Variants in PRKD1 observed in about 807,000 individuals in gnomAD.
PRKD1 encodes the protein serine/threonine-protein kinase D1.
A neutral mutation model predicts 95.9 loss-of-function variants in PRKD1; 63 were observed. The ratio of observed to expected loss-of-function variants is 0.66; its 90% CI spans 0.54 to 0.81. The LOEUF (loss-of-function observed/expected upper bound fraction) is 0.81. Among genes scored for constraint, PRKD1 ranks in the 30% least tolerant of loss-of-function variants. The pLI is 0.00. For synonymous variants in PRKD1, 425 were observed against 423.1 expected (o/e 1.00, Z -0.05); for missense variants, 1,048 against 1,165.3 (o/e 0.90, Z 1.47).
chr14:29,905,763 G>A (rs1206897416), intron 1 of PRKD1, among the ~76,000 whole-genome samples: 1 of 152,186 alleles, frequency 6.6e-6, no homozygotes, highest in Admixed American at 6.5e-5. Context: ...GCACGCAACT[G>A]TTTGCTTAAA....
intron 1 of PRKD1, among the ~76,000 whole-genome samples, chr14:29,801,005 A>G (rs1399294614): frequency 6.6e-6 from 1 of 152,126 alleles, no homozygotes; most frequent in African/African-American, 2.4e-5. Context: ...TATTTTGTCT[A>G]TTTAACTGTC....
intron 1 of PRKD1, among the ~76,000 whole-genome samples, chr14:29,763,392 A>AAG (rs1888100441): frequency 9.1e-6 from 1 of 110,184 alleles, no homozygotes; most frequent in Non-Finnish European, 1.9e-5. Flanking sequence ...GGAAGGAGGG[A>AAG]GAGGGGAGGG....
intron 2 of PRKD1, among the ~76,000 whole-genome samples, chr14:29,686,067 T>G (rs893952383): frequency 3.3e-5 from 5 of 152,228 alleles, no homozygotes; most frequent in Admixed American, 2.6e-4. Flanking sequence ...TTTGCACAAT[T>G]CTTATAAAAG....
At chr14:29,806,552 C>T (rs1268510354) in intron 1 of PRKD1, among the ~76,000 whole-genome samples, 2 of 152,048 alleles carry the variant, frequency 1.3e-5, no homozygotes, top group Non-Finnish European at 2.9e-5. Context: ...TCAGGCAGAA[C>T]AATAAATAAA....
chr14:29,721,492 G>A (rs975289862), intron 2 of PRKD1, among the ~76,000 whole-genome samples: 6 of 152,066 alleles, frequency 3.9e-5, no homozygotes, highest in Admixed American at 3.9e-4. Context: ...AATTATTAGA[G>A]ATCAAGCCAA....
chr14:29,641,388 C>T (rs986081832), intron 4 of PRKD1, among the ~76,000 whole-genome samples: 3 of 152,122 alleles, frequency 2.0e-5, no homozygotes, highest in African/African-American at 7.2e-5. Context: ...CAATATGGCC[C>T]ATATTTCTAA....
chr14:29,624,362 A>G (rs1465001897), intron 12 of PRKD1, 104 bp from the exon 13 acceptor site: 9 of 663,636 alleles, frequency 1.4e-5, no homozygotes, highest in Non-Finnish European at 2.2e-5. Flanking sequence ...AACATATTTC[A>G]CTGAATAAAT....
intron 4 of PRKD1, among the ~76,000 whole-genome samples, chr14:29,653,417 C>A (rs1189330033): frequency 6.6e-6 from 1 of 151,984 alleles, no homozygotes; most frequent in Non-Finnish European, 1.5e-5. Flanking sequence ...CTTAAAGTCA[C>A]TTAAAAACAT....
At chr14:29,722,702 G>C (rs1212264483) in intron 2 of PRKD1, among the ~76,000 whole-genome samples, 4 of 152,104 alleles carry the variant, frequency 2.6e-5, no homozygotes, top group Non-Finnish European at 5.9e-5. Flanking sequence ...CATTTAGTCA[G>C]GTAGGCTGGG....
intron 1 of PRKD1, among the ~76,000 whole-genome samples, chr14:29,738,770 C>T (rs1886847939): frequency 6.7e-6 from 1 of 150,206 alleles, no homozygotes; most frequent in African/African-American, 2.5e-5. Flanking sequence ...TCCTTCCTTC[C>T]TTCCTTCCTT....
intron 1 of PRKD1, among the ~76,000 whole-genome samples, chr14:29,845,658 A>C (rs1484920185): frequency 1.3e-5 from 2 of 152,208 alleles, no homozygotes; most frequent in Non-Finnish European, 2.9e-5. Context: ...CAACTAAAAA[A>C]AATCACTACC....
At chr14:29,925,841 T>C (rs1326118735) in intron 1 of PRKD1, among the ~76,000 whole-genome samples, 1 of 152,222 alleles carries the variant, frequency 6.6e-6, no homozygotes, top group East Asian at 1.9e-4. Context: ...GCTGTTTCAT[T>C]AACTGGTCTG....
intron 1 of PRKD1, among the ~76,000 whole-genome samples, chr14:29,840,478 C>A (rs923607618): frequency 3.3e-5 from 5 of 152,312 alleles, no homozygotes; most frequent in Non-Finnish European, 7.3e-5. Flanking sequence ...CAAACTGTTT[C>A]AACCTCTGCC....
chr14:29,746,196 T>C (rs935281720), intron 1 of PRKD1, among the ~76,000 whole-genome samples: 1 of 152,112 alleles, frequency 6.6e-6, no homozygotes, highest in Non-Finnish European at 1.5e-5. Context: ...ATTTCCTTCC[T>C]TGCCTTATCA....
Position 29,636,221 on chromosome 14 carries a change from A to G in PRKD1, c.1190+69T>C, listed in dbSNP as rs1298766765. On this transcript the variant is annotated intron_variant, in intron 7 of 17. Coordinates refer to ENST00000331968, the MANE Select transcript of PRKD1 (RefSeq NM_002742.3). ...TTCTACTATAATCTATTAAAATATCAAAGAGGTTTAAAGAGAAAATACTGC... is the reference window on the plus strand; with the variant it reads ...TTCTACTATAATCTATTAAAATATCGAAGAGGTTTAAAGAGAAAATACTGC... 4 of 1,536,214 alleles carry G rather than the reference A, an allele frequency of 2.6e-6. No individual in the cohort carries two copies. In the Admixed American group the frequency reaches 5.0e-5, roughly 19 times the overall value.
At chr14:29,656,272 G>T (rs1881830470) in intron 4 of PRKD1, among the ~76,000 whole-genome samples, 1 of 152,140 alleles carries the variant, frequency 6.6e-6, no homozygotes, top group Non-Finnish European at 1.5e-5. Flanking sequence ...GGCTTATTGG[G>T]ACTGTGAAAA....
At chr14:29,846,866 T>C (rs947419668) in intron 1 of PRKD1, among the ~76,000 whole-genome samples, 6 of 152,132 alleles carry the variant, frequency 3.9e-5, no homozygotes, top group African/African-American at 1.2e-4. Context: ...GAACTGGATA[T>C]GGGATAAATG....
intron 4 of PRKD1, among the ~76,000 whole-genome samples, chr14:29,659,038 G>T (rs969621070): frequency 6.6e-6 from 1 of 152,152 alleles, no homozygotes; most frequent in Admixed American, 6.5e-5. Flanking sequence ...ATGGAATAAA[G>T]TAAACACCAT....
At chr14:29,805,865 A>C (rs1414660984) in intron 1 of PRKD1, among the ~76,000 whole-genome samples, 2 of 152,226 alleles carry the variant, frequency 1.3e-5, no homozygotes, top group Non-Finnish European at 1.5e-5. Context: ...GTAAGTTGCC[A>C]ATGAAGGGGA....
Sources: gnomAD v4.1 joint callset for allele counts (sites outside exome capture counted in the v4.1 genomes callset) on GRCh38, gnomAD v4.1.1 for gene constraint, MANE v1.5 for transcripts, NCBI Gene and HGNC (gene_info 2026-07-23, HGNC 2026-07-21) for gene names.